ATP8B3: variants seen among roughly 807,000 people sequenced by gnomAD.
ATP8B3 encodes phospholipid-transporting ATPase IK.
A neutral mutation model predicts 140.9 loss-of-function variants in ATP8B3; 141 were observed. That is an observed-to-expected ratio of 1.00 (90% CI 0.87 to 1.15). ATP8B3 has a LOEUF of 1.15. Ranked by LOEUF, ATP8B3 falls within the 50% of genes most tolerant of loss-of-function variation. The pLI is 0.00. For synonymous variants in ATP8B3, 765 were observed against 714.6 expected (o/e 1.07, Z -1.13); for missense variants, 1,874 against 1,740.6 (o/e 1.08, Z -1.36).
chr19:1,796,895 G>T lies in ATP8B3; in HGVS notation c.1585-16C>A, dbSNP rs764336101. 1.2e-6 allele frequency: 2 copies of T among 1,610,500 alleles called. No individual in the cohort carries two copies. Among genetic ancestry groups the T allele is most frequent in the Non-Finnish European group, 1.7e-6 (2 of 1,178,598 alleles). On this transcript the variant is annotated splice_polypyrimidine_tract_variant and intron_variant, in intron 15 of 28. Coordinates refer to ENST00000310127, the MANE Select transcript of ATP8B3 (RefSeq NM_138813.4). Reference sequence around the variant, plus strand: ...AGGGGTTCTCCTGGGGGTGGCGGGGGCACGGGCCGGCTGTGGGTGGGCCGC... The same window carrying T: ...AGGGGTTCTCCTGGGGGTGGCGGGGTCACGGGCCGGCTGTGGGTGGGCCGC...
Sources: gnomAD v4.1 joint callset for allele counts on GRCh38, gnomAD v4.1.1 for gene constraint, MANE v1.5 for transcripts, NCBI Gene and HGNC (gene_info 2026-07-23, HGNC 2026-07-21) for gene names.